The following UGT1A10 variants were observed in gnomAD, a reference collection of about 807,000 sequenced individuals.
The protein encoded by UGT1A10 is UDP-glucuronosyltransferase 1A10.
A neutral mutation model predicts 45.8 loss-of-function variants in UGT1A10; 49 were observed. The ratio of observed to expected loss-of-function variants is 1.07; its 90% CI spans 0.85 to 1.36. UGT1A10 has a LOEUF of 1.36. Ranked by LOEUF, UGT1A10 falls within the 40% of genes most tolerant of loss-of-function variation. The pLI, the probability that UGT1A10 is intolerant of heterozygous loss-of-function variation, is 0.00. For missense variants in UGT1A10, 745 were observed against 668.6 expected (o/e 1.11, Z -1.26); for synonymous variants, 284 against 249.7 (o/e 1.14, Z -1.29).
rs542183659 is a variant in UGT1A10, at chr2:233,649,165, T to C, written c.855+11788T>C. On this transcript the variant is annotated intron_variant, in intron 1 of 4. Coordinates refer to ENST00000344644, the MANE Select transcript of UGT1A10 (RefSeq NM_019075.4). ...CTGTGTAAAAAATTATTTTGTGCCA[T>C]CCACGTGTTTGTTGGTTAGCAACTT... is the stretch of plus-strand genomic sequence containing the variant. The C allele has an allele frequency of 5.4e-5, 26 of 479,824 alleles. No individual in the cohort carries two copies. The South Asian group carries it at 1.1e-3, about 20-fold the overall frequency. 29.7% of individuals were successfully genotyped at this position (479,824 alleles called of 1,614,324 possible). A position where few individuals can be genotyped will look rare whatever the true frequency, so the allele number is the denominator to read the frequency against.
At chr2:233,719,526 T>C (rs1307558571) in intron 1 of UGT1A10, 1 of 1,613,852 alleles carries the variant, frequency 6.2e-7, no homozygotes, top group Admixed American at 1.7e-5. Flanking sequence ...AAGTCTTGCC[T>C]CTGAGCTTTT....
At chr2:233,719,052 A>C (rs200903552) in intron 1 of UGT1A10, 5 of 1,614,270 alleles carry the variant, frequency 3.1e-6, no homozygotes, top group Non-Finnish European at 4.2e-6. Context: ...TTTCACCCTG[A>C]CAGCCTATGC....
rs1023246934 is a variant in UGT1A10, at chr2:233,636,856, T to A, written c.334T>A (p.Ser112Thr). ...AQSIFSLLMSSSSGFLDLFFS... is the reference protein window; with the variant it reads ...AQSIFSLLMSTSSGFLDLFFS... ...AAGTATATTTTCTCTATTAATGAGT[T>A]CATCCAGTGGTTTTCTTGACTTATT... The change falls in exon 1 of 5, where the codon TCA becomes ACA. Residue 112 changes from serine (S) to threonine (T), a missense_variant. By Grantham distance (58) the Ser-to-Thr change is moderately conservative (BLOSUM62 1). Coordinates refer to ENST00000344644, the MANE Select transcript of UGT1A10 (RefSeq NM_019075.4). 7 of 1,614,128 alleles carry A rather than the reference T, an allele frequency of 4.3e-6. No homozygotes were observed. The African/African-American group carries it at 9.3e-5, about 22-fold the overall frequency.
intron 1 of UGT1A10, chr2:233,690,407 T>G: frequency 5.9e-5 from 71 of 1,195,338 alleles, no homozygotes; most frequent in Non-Finnish European, 7.1e-5. Context: ...ATTCCCAACA[T>G]GAAATTACCT....
intron 1 of UGT1A10, among the ~76,000 whole-genome samples, chr2:233,710,236 G>A (rs1321260776): frequency 1.3e-5 from 2 of 152,146 alleles, no homozygotes; most frequent in African/African-American, 2.4e-5. Context: ...ATGACTATTC[G>A]AGTACGAGTG....
intron 1 of UGT1A10, chr2:233,671,719 C>T (rs1169088424): frequency 1.5e-4 from 155 of 1,060,586 alleles, no homozygotes; most frequent in Middle Eastern, 6.6e-4. Context: ...CCATAAGCTA[C>T]TGTTGTCTGG....
At chr2:233,756,081 A>G (rs1239425363) in intron 1 of UGT1A10, 2 of 152,230 alleles carry the variant, frequency 1.3e-5, no homozygotes, top group South Asian at 2.1e-4. Context: ...ACAATGAGAA[A>G]ATCAAGTAAC....
Position 233,636,810 on chromosome 2 carries a change from T to C in UGT1A10, c.288T>C (p.Ala96=), listed in dbSNP as rs763056415. 6.2e-7 allele frequency: 1 copy of C among 1,614,232 alleles called. No individual in the cohort carries two copies. The highest frequency in any genetic ancestry group is 1.1e-5 in the South Asian group (1 of 91,080). The change falls in exon 1 of 5, where the codon GCT becomes GCC. Residue 96 remains alanine, a synonymous_variant. Transcript: ENST00000344644. ...GGGAATTCATGGTTTTCGCCCATGC[T>C]CAATGGAAAGCACAGGCACAAAGTA... ...QNREFMVFAH[A]QWKAQAQSIF... is the part of the protein sequence containing the mutation.
intron 1 of UGT1A10, among the ~76,000 whole-genome samples, chr2:233,735,057 C>A (rs1430672120): frequency 1.3e-5 from 2 of 152,160 alleles, no homozygotes; most frequent in African/African-American, 4.8e-5. Flanking sequence ...GAGTTCAGGT[C>A]CTGGATATCC....
intron 1 of UGT1A10, among the ~76,000 whole-genome samples, chr2:233,757,900 G>A (rs1226953924): frequency 6.6e-6 from 1 of 152,060 alleles, no homozygotes; most frequent in African/African-American, 2.4e-5. Flanking sequence ...CACTTTCCAT[G>A]GACGTGTCAC....
intron 1 of UGT1A10, chr2:233,681,793 C>A: frequency 6.8e-7 from 1 of 1,466,224 alleles, no homozygotes; most frequent in South Asian, 1.5e-5. Context: ...ATGAGTAAAT[C>A]ATTGGCAGTG....
chr2:233,699,790 CT>C (rs1163092717), intron 1 of UGT1A10, among the ~76,000 whole-genome samples: 4 of 152,194 alleles, frequency 2.6e-5, no homozygotes, highest in African/African-American at 9.7e-5. Flanking sequence ...GTTTCCTCCT[CT>C]CATATTCTGG....
At chr2:233,715,323 T>A (rs1156310417) in intron 1 of UGT1A10, among the ~76,000 whole-genome samples, 1 of 152,206 alleles carries the variant, frequency 6.6e-6, no homozygotes, top group Non-Finnish European at 1.5e-5. Context: ...TTATACATAG[T>A]GATTAGATTG....
chr2:233,696,866 G>A, intron 1 of UGT1A10, among the ~76,000 whole-genome samples: 1 of 152,130 alleles, frequency 6.6e-6, no homozygotes, highest in East Asian at 1.9e-4. Context: ...TGTTTTTTCA[G>A]CATCTACAAC....
intron 1 of UGT1A10, among the ~76,000 whole-genome samples, chr2:233,741,100 C>A (rs1335319606): frequency 1.3e-5 from 2 of 151,794 alleles, no homozygotes; most frequent in Non-Finnish European, 2.9e-5. Context: ...AGCAAACAGA[C>A]AATCAAGCTT....
chr2:233,702,619 T>A (rs1302188822), intron 1 of UGT1A10, among the ~76,000 whole-genome samples: 2 of 152,160 alleles, frequency 1.3e-5, no homozygotes, highest in Non-Finnish European at 2.9e-5. Flanking sequence ...CCCCACATTA[T>A]GAGATTGAGG....
chr2:233,679,687 A>G (rs1462740728), intron 1 of UGT1A10, among the ~76,000 whole-genome samples: 2 of 152,068 alleles, frequency 1.3e-5, no homozygotes, highest in African/African-American at 4.8e-5. Flanking sequence ...TTTGCTTGGC[A>G]GAGGCTGGTT....
intron 1 of UGT1A10, among the ~76,000 whole-genome samples, chr2:233,664,659 T>C (rs999441284): frequency 6.6e-6 from 1 of 152,122 alleles, no homozygotes; most frequent in Non-Finnish European, 1.5e-5. Flanking sequence ...TTGTGAATAC[T>C]CACTGACTAT....
chr2:233,690,709 T>C (rs2075004127), intron 1 of UGT1A10: 3 of 1,224,098 alleles, frequency 2.5e-6, no homozygotes, highest in Admixed American at 6.4e-5. Context: ...GGGATCGTCA[T>C]TATGACGAAC....
Sources: gnomAD v4.1 joint callset for allele counts (sites outside exome capture counted in the v4.1 genomes callset) on GRCh38, gnomAD v4.1.1 for gene constraint, MANE v1.5 for transcripts, NCBI Gene and HGNC (gene_info 2026-07-23, HGNC 2026-07-21) for gene names.